Variants in RELN observed in about 807,000 individuals in gnomAD.
RELN encodes the protein reelin.
A neutral mutation model predicts 427.6 loss-of-function variants in RELN; 108 were observed. The ratio of observed to expected loss-of-function variants is 0.25; its 90% CI spans 0.22 to 0.30. The LOEUF (loss-of-function observed/expected upper bound fraction) is 0.30. Among genes scored for constraint, RELN ranks in the 10% least tolerant of loss-of-function variants. The pLI is 1.00. For synonymous variants in RELN, 1,524 were observed against 1,513.4 expected (o/e 1.01, Z -0.16); for missense variants, 3,715 against 4,302.8 (o/e 0.86, Z 3.82).
At chr7:103,565,836 T>A (rs951898649) in intron 33 of RELN, among the ~76,000 whole-genome samples, 2 of 152,224 alleles carry the variant, frequency 1.3e-5, no homozygotes, top group Admixed American at 6.5e-5. Context: ...TTGGGTTACA[T>A]GTGATATTTT....
chr7:103,751,360 T>A (rs1790994904), intron 5 of RELN, among the ~76,000 whole-genome samples: 1 of 152,206 alleles, frequency 6.6e-6, no homozygotes, highest in Non-Finnish European at 1.5e-5. Flanking sequence ...TCACATTCTC[T>A]TTGGTGACAT....
At chr7:103,870,284 G>GCTTTCCTGTTTATTTTCATATACATATTA (rs1414951401) in intron 2 of RELN, among the ~76,000 whole-genome samples, 2 of 151,752 alleles carry the variant, frequency 1.3e-5, no homozygotes, top group Admixed American at 1.3e-4. Context: ...GATGGCTCCT[G>GCTTTCCTGTTTATTTTCATATACATATTA]CTTTCCTGTT....
At chr7:103,782,705 AAAG>A (rs1418674830) in intron 3 of RELN, among the ~76,000 whole-genome samples, 1 of 151,524 alleles carries the variant, frequency 6.6e-6, no homozygotes, top group Non-Finnish European at 1.5e-5. Context: ...TCTAGTTTAC[AAAG>A]AAGGAATACA....
At chr7:103,601,606 G>T (rs1020561289) in intron 24 of RELN, among the ~76,000 whole-genome samples, 1 of 152,106 alleles carries the variant, frequency 6.6e-6, no homozygotes, top group African/African-American at 2.4e-5. Context: ...TGAAAGAAGT[G>T]ATATTACACA....
chr7:103,602,699 G>C (rs1157845672), intron 24 of RELN, among the ~76,000 whole-genome samples: 1 of 152,138 alleles, frequency 6.6e-6, no homozygotes, highest in African/African-American at 2.4e-5. Context: ...GGGACTAGGA[G>C]AGGGATAACA....
chr7:103,876,505 T>TAA (rs35818710), intron 2 of RELN, among the ~76,000 whole-genome samples: 21,977 of 152,116 alleles, frequency 0.14, 1,877 homozygotes, highest in East Asian at 0.34. Flanking sequence ...CTATCAAATA[T>TAA]GTTATTACTA....
At chr7:103,609,084 G>T (rs1331144394) in intron 22 of RELN, among the ~76,000 whole-genome samples, 1 of 151,952 alleles carries the variant, frequency 6.6e-6, no homozygotes, top group Non-Finnish European at 1.5e-5. Flanking sequence ...TTAGCTGGGT[G>T]TAATGGGGCA....
chr7:103,598,820 T>C (rs2117259857), intron 24 of RELN, among the ~76,000 whole-genome samples: 1 of 152,362 alleles, frequency 6.6e-6, no homozygotes, highest in South Asian at 2.1e-4. Flanking sequence ...AAATGGCTCA[T>C]GGCAAAGTTT....
intron 61 of RELN, chr7:103,484,175 C>T (rs1308692576): frequency 4.1e-5 from 13 of 318,766 alleles, no homozygotes; most frequent in South Asian, 2.2e-4. Flanking sequence ...CCACTGTGCC[C>T]GGCTGGGAAA....
At chr7:103,985,101 G>T (rs549709209) in intron 1 of RELN, among the ~76,000 whole-genome samples, 2 of 152,156 alleles carry the variant, frequency 1.3e-5, no homozygotes, top group South Asian at 4.1e-4. Flanking sequence ...TTAAGTAAAT[G>T]TTTAGTTTTA....
rs1830976638 is a variant in RELN at position 103,575,463 on chromosome 7, T to C, written c.4303+85A>G. The C allele has an allele frequency of 5.7e-6, 8 of 1,405,328 alleles. No individual in the cohort carries two copies. The South Asian group carries it at 6.9e-5, about 12-fold the overall frequency. The allele number at this position is 1,405,328 out of a possible 1,614,324, so 87.1% of individuals were successfully genotyped here. The stretch of plus-strand genomic sequence containing the variant: ...TAAAGAGGAATAAATTCAGAATTTA[T>C]TTCTTTGGGAGAATAACATGAAACA... On this transcript the variant is annotated intron_variant, in intron 29 of 64. Coordinates refer to ENST00000428762, the MANE Select transcript of RELN (RefSeq NM_005045.4).
intron 3 of RELN, among the ~76,000 whole-genome samples, chr7:103,792,953 T>C (rs887128361): frequency 1.3e-5 from 2 of 152,316 alleles, no homozygotes; most frequent in South Asian, 4.1e-4. Flanking sequence ...AAATACATTT[T>C]TGTTGCTTGA....
chr7:103,699,845 T>C (rs1834054627), intron 9 of RELN, among the ~76,000 whole-genome samples: 1 of 152,138 alleles, frequency 6.6e-6, no homozygotes, highest in African/African-American at 2.4e-5. Context: ...ACATTACATT[T>C]TGTCCTGACA....
At chr7:103,657,920 A>C (rs1833055636) in intron 12 of RELN, among the ~76,000 whole-genome samples, 2 of 152,116 alleles carry the variant, frequency 1.3e-5, no homozygotes, top group Admixed American at 1.3e-4. Flanking sequence ...ATATTGTTTT[A>C]AGTCATTTTT....
chr7:103,513,045 C>T (rs928483643), intron 50 of RELN: 1 of 152,182 alleles, frequency 6.6e-6, no homozygotes, highest in Non-Finnish European at 1.5e-5. Context: ...GGATTTGGAG[C>T]CACATTTAGT....
intron 31 of RELN, among the ~76,000 whole-genome samples, chr7:103,570,672 C>T (rs886748049): frequency 6.6e-6 from 1 of 152,204 alleles, no homozygotes; most frequent in African/African-American, 2.4e-5. Flanking sequence ...TTTCCCTTCA[C>T]CACACTTTCT....
chr7:103,756,771 T>C (rs1458676500), intron 4 of RELN, among the ~76,000 whole-genome samples: 8 of 152,206 alleles, frequency 5.3e-5, no homozygotes, highest in Admixed American at 5.2e-4. Flanking sequence ...TAATATATTT[T>C]AACAAAAATG....
Position 103,761,436 on chromosome 7 carries a change from TTG to T in RELN, c.545-8224_545-8223del, listed in dbSNP as rs140764129. 5.8e-3 allele frequency among the ~76,000 whole-genome samples: 885 copies of T among 152,262 alleles called. 5 individuals carry two copies. Among genetic ancestry groups the T allele is most frequent in the South Asian group, 0.021 (103 of 4,824 alleles). ...ATGCAAAACAATATCATTTGAATTGTTGGTACATTTTTATTTTTATATTTATT... is the reference window on the plus strand; with the variant it reads ...ATGCAAAACAATATCATTTGAATTGTGTACATTTTTATTTTTATATTTATT... On this transcript the variant is annotated intron_variant, in intron 4 of 64. Coordinates refer to ENST00000428762, the MANE Select transcript of RELN (RefSeq NM_005045.4).
At chr7:103,810,450 G>A (rs988680915) in intron 3 of RELN, among the ~76,000 whole-genome samples, 1 of 152,064 alleles carries the variant, frequency 6.6e-6, no homozygotes, top group Non-Finnish European at 1.5e-5. Flanking sequence ...CCAGAGGAAG[G>A]AGGAGAAGAC....
Sources: gnomAD v4.1 joint callset for allele counts (sites outside exome capture counted in the v4.1 genomes callset) on GRCh38, gnomAD v4.1.1 for gene constraint, MANE v1.5 for transcripts, NCBI Gene and HGNC (gene_info 2026-07-23, HGNC 2026-07-21) for gene names.